Variants in ALLC observed in about 807,000 individuals in gnomAD.
ALLC encodes probable inactive allantoicase.
Under a neutral mutation model 45.0 loss-of-function variants are expected in ALLC, and 40 were observed. The ratio of observed to expected loss-of-function variants is 0.89; its 90% CI spans 0.69 to 1.16. The LOEUF (loss-of-function observed/expected upper bound fraction) is 1.16, where lower values mean the gene tolerates loss of function less well. ALLC is among the 50% of genes most tolerant of loss of function. The pLI, the probability that ALLC is intolerant of heterozygous loss-of-function variation, is 0.00. For missense variants in ALLC, 488 were observed against 493.1 expected (o/e 0.99, Z 0.10); for synonymous variants, 176 against 178.1 (o/e 0.99, Z 0.09).
intron 7 of ALLC, chr2:3,688,587 C>T: frequency 4.8e-6 from 1 of 207,710 alleles, no homozygotes; most frequent in South Asian, 6.7e-5. Flanking sequence ...GATTCACACC[C>T]CACATAAACA....
chr2:3,676,761 C>T (rs1236301752), intron 3 of ALLC, among the ~76,000 whole-genome samples: 1 of 151,838 alleles, frequency 6.6e-6, no homozygotes, highest in Non-Finnish European at 1.5e-5. Flanking sequence ...TCGGTTTATC[C>T]CTGGGACCAG....
intron 1 of ALLC, 23 bp from the exon 2 acceptor site, chr2:3,671,073 C>T: frequency 1.3e-6 from 2 of 1,493,068 alleles, no homozygotes; most frequent in Non-Finnish European, 9.2e-7. Context: ...CCAAGGTTGA[C>T]CGAGCTGCCC....
intron 3 of ALLC, among the ~76,000 whole-genome samples, chr2:3,676,070 C>T (rs1308728581): frequency 1.3e-5 from 2 of 152,240 alleles, no homozygotes; most frequent in Admixed American, 6.5e-5. Flanking sequence ...ACCTAATCAC[C>T]TCCCAAAGTC....
At chr2:3,651,522 C>T in the ALLC span, among the ~76,000 whole-genome samples, 2 of 151,550 alleles carry the variant, frequency 1.3e-5, no homozygotes, top group East Asian at 3.9e-4. Context: ...GTGTCAGACT[C>T]TTCAGAAAGC....
chr2:3,650,493 G>A, the ALLC span, among the ~76,000 whole-genome samples: 8 of 152,338 alleles, frequency 5.3e-5, no homozygotes, highest in East Asian at 1.5e-3. Context: ...GCCTGGTGAG[G>A]CCTGGGCAAG....
chr2:3,647,478 C>T, the ALLC span, among the ~76,000 whole-genome samples: 2 of 152,018 alleles, frequency 1.3e-5, no homozygotes, highest in Non-Finnish European at 2.9e-5. Flanking sequence ...AGAGTGTGGC[C>T]GCTGGGGGTT....
At chr2:3,672,063 G>A (rs1666891339) in intron 2 of ALLC, among the ~76,000 whole-genome samples, 3 of 109,286 alleles carry the variant, frequency 2.7e-5, no homozygotes, top group Non-Finnish European at 1.8e-5. Context: ...CTCTGGCTCT[G>A]GTTAGATGGG....
chr2:3,700,719 A>C lies in ALLC; in HGVS notation c.851-793A>C, dbSNP rs149497723. Among the ~76,000 whole-genome samples the C allele has an allele frequency of 8.3e-4, 127 of 152,320 alleles. 1 individual carries two copies. Among genetic ancestry groups the C allele is most frequent in the South Asian group, 2.1e-3 (10 of 4,818 alleles). The stretch of plus-strand genomic sequence containing the variant: ...TCAGACAAATAGAAATAGCAGCTCT[A>C]ATGTTCTCTACTTGCATCCTTTGTG... On this transcript the variant is annotated intron_variant, in intron 10 of 11. Transcript: ENST00000252505.
At chr2:3,679,762 G>A (rs185257323) in intron 4 of ALLC, 107 bp from the exon 5 acceptor site, 39 of 1,481,898 alleles carry the variant, frequency 2.6e-5, no homozygotes, top group Middle Eastern at 2.4e-4. Context: ...TGTGATGGAC[G>A]GAATGGCCCC....
At chr2:3,657,843 G>A (rs1201299210), upstream of ALLC, among the ~76,000 whole-genome samples, 1 of 152,250 alleles carries the variant, frequency 6.6e-6, no homozygotes, top group Non-Finnish European at 1.5e-5. Context: ...GTCTTCTCTA[G>A]TAGGTCAGGA....
Position 3,679,948 on chromosome 2 carries a change from A to C in ALLC, c.252A>C (p.Gly84=). ...GFDVDVSYFT[G]DYAPRVSIQA... ...ACGTGGACGTTTCTTACTTCACGGG[A>C]GATTACGCTCCTCGAGTGTCCATTC... Residue 84 remains glycine (G), a synonymous_variant, in exon 5 of 12, where the codon GGA becomes GGC. Transcript: ENST00000252505. 8 of 1,613,940 alleles carry C rather than the reference A, an allele frequency of 5.0e-6. No homozygotes were observed. The highest frequency in any genetic ancestry group is 6.8e-6 in the Non-Finnish European group (8 of 1,179,890).
chr2:3,682,736 A>C (rs575435162), intron 6 of ALLC, among the ~76,000 whole-genome samples: 1 of 152,162 alleles, frequency 6.6e-6, no homozygotes, highest in South Asian at 2.1e-4. Flanking sequence ...CGTGTTAGCC[A>C]GGATGGTCTC....
chr2:3,658,106 C>T (rs1390570784), upstream of ALLC: 1 of 152,408 alleles, frequency 6.6e-6, no homozygotes, highest in Admixed American at 6.5e-5. Context: ...AGGGGCTGCT[C>T]CCCCTGTTAC....
chr2:3,657,228 G>A (rs1426729629), upstream of ALLC, among the ~76,000 whole-genome samples: 1 of 138,988 alleles, frequency 7.2e-6, no homozygotes, highest in African/African-American at 3.4e-5. Flanking sequence ...GCTGAGAGAC[G>A]GGCTGGGGTT....
At chr2:3,671,281 A>G (rs2147998091) in intron 2 of ALLC, 91 bp downstream of exon 2, 3 of 1,457,598 alleles carry the variant, frequency 2.1e-6, no homozygotes, top group Non-Finnish European at 2.8e-6. Flanking sequence ...GCAAGAATCA[A>G]CAAGAATCAG....
intron 7 of ALLC, 110 bp downstream of exon 7, chr2:3,683,184 T>G: frequency 8.2e-7 from 1 of 1,225,426 alleles, no homozygotes; most frequent in Non-Finnish European, 1.1e-6. Context: ...TTGATCTCTC[T>G]AGCATTTCAG....
chr2:3,660,262 T>C (rs62108696), intron 1 of ALLC, among the ~76,000 whole-genome samples: 28,505 of 152,098 alleles, frequency 0.19, 3,110 homozygotes, highest in East Asian at 0.35. Context: ...GCCGGCTCCC[T>C]TCACTTCCTA....
chr2:3,701,029 A>G (rs770791486), intron 10 of ALLC, among the ~76,000 whole-genome samples: 41 of 152,214 alleles, frequency 2.7e-4, no homozygotes, highest in Non-Finnish European at 4.9e-4. Context: ...ATGACTCAGA[A>G]ATCCCCAAAT....
At chr2:3,656,161 C>T (rs1053982307), upstream of ALLC, among the ~76,000 whole-genome samples, 2 of 152,250 alleles carry the variant, frequency 1.3e-5, no homozygotes, top group African/African-American at 4.8e-5. Context: ...CCTCCATCAT[C>T]GCAGGCTGAT....
Sources: gnomAD v4.1 joint callset for allele counts (sites outside exome capture counted in the v4.1 genomes callset) on GRCh38, gnomAD v4.1.1 for gene constraint, MANE v1.5 for transcripts, NCBI Gene and HGNC (gene_info 2026-07-23, HGNC 2026-07-21) for gene names.